Variants in INSC observed in about 807,000 individuals in gnomAD.
INSC encodes protein inscuteable homolog.
Under a neutral mutation model 58.6 loss-of-function variants are expected in INSC, and 67 were observed. The ratio of observed to expected loss-of-function variants is 1.14; its 90% CI spans 0.94 to 1.40. The LOEUF is 1.40. Among genes scored for constraint, INSC ranks in the 40% most tolerant of loss-of-function variants. The pLI, the probability that INSC is intolerant of heterozygous loss-of-function variation, is 0.00. For synonymous variants in INSC, 262 were observed against 276.1 expected (o/e 0.95, Z 0.51); for missense variants, 714 against 692.0 (o/e 1.03, Z -0.36).
chr11:15,173,270 T>C (rs1162569928), intron 2 of INSC, among the ~76,000 whole-genome samples: 2 of 152,186 alleles, frequency 1.3e-5, no homozygotes, highest in African/African-American at 4.8e-5. Flanking sequence ...GATGTGTATA[T>C]ACTATGGTCA....
chr11:15,193,606 T>C (rs1019820934), intron 6 of INSC, among the ~76,000 whole-genome samples: 3 of 152,202 alleles, frequency 2.0e-5, no homozygotes, highest in Non-Finnish European at 4.4e-5. Context: ...TCCATGTCGC[T>C]ACAAAGGACA....
chr11:15,218,562 C>CTCTA (rs1851312556), intron 7 of INSC, among the ~76,000 whole-genome samples: 1 of 150,518 alleles, frequency 6.6e-6, no homozygotes, highest in African/African-American at 2.4e-5. Flanking sequence ...CTCTCTCTCT[C>CTCTA]TATATATATA....
rs532855998 is a variant in INSC, at chr11:15,140,178, G to A, written c.-45-8952G>A. Among the ~76,000 whole-genome samples the A allele has an allele frequency of 1.1e-4, 16 of 152,298 alleles. No individual in the cohort carries two copies. The East Asian group carries it at 2.1e-3, about 20-fold the overall frequency. Reference sequence around the variant, plus strand: ...TGCTGGCACACATGGGCATCAGTGAGGACACCTTGACACTGGGCTCCTCTC... The same window carrying A: ...TGCTGGCACACATGGGCATCAGTGAAGACACCTTGACACTGGGCTCCTCTC... On this transcript the variant is annotated intron_variant, in intron 1 of 12. Coordinates refer to ENST00000379556, the MANE Select transcript of INSC (RefSeq NM_001042536.3).
Position 15,225,787 on chromosome 11 carries a change from A to G in INSC, c.1129A>G (p.Ser377Gly), listed in dbSNP as rs1851613230. The stretch of plus-strand genomic sequence containing the variant: ...CATCCGTGTTCTCCTGGAAGCCTGC[A>G]GTGACAAGCAGAGAGTGGACACGCC... ...NAIRVLLEAC[S>G]DKQRVDTPYT... Residue 377 changes from serine to glycine, a missense_variant, in exon 9 of 13, where the codon AGT (serine) becomes GGT (glycine). Coordinates refer to ENST00000379556, the MANE Select transcript of INSC (RefSeq NM_001042536.3). 3 of 1,613,742 alleles carry G rather than the reference A, an allele frequency of 1.9e-6. No homozygotes were observed.
At chr11:15,148,355 G>A (rs1848546834) in intron 1 of INSC, among the ~76,000 whole-genome samples, 1 of 152,136 alleles carries the variant, frequency 6.6e-6, no homozygotes, top group Non-Finnish European at 1.5e-5. Flanking sequence ...TTTTTTCTTG[G>A]TATGCTAACT....
chr11:15,199,527 G>A (rs986225960), intron 6 of INSC, among the ~76,000 whole-genome samples: 5 of 152,166 alleles, frequency 3.3e-5, no homozygotes, highest in South Asian at 2.1e-4. Context: ...TTGTTTTATC[G>A]TCATTCACTG....
At chr11:15,233,408 T>C (rs1851999095) in intron 9 of INSC, among the ~76,000 whole-genome samples, 1 of 152,160 alleles carries the variant, frequency 6.6e-6, no homozygotes, top group African/African-American at 2.4e-5. Context: ...GGATAAACAG[T>C]GACCTCTTTC....
intron 1 of INSC, among the ~76,000 whole-genome samples, chr11:15,121,747 C>G (rs1266774633): frequency 1.3e-5 from 2 of 152,060 alleles, no homozygotes; most frequent in African/African-American, 4.8e-5. Context: ...AATCTTTTCC[C>G]CACTCCCTCC....
At chr11:15,112,989 A>G (rs1293326566), upstream of INSC, among the ~76,000 whole-genome samples, 2 of 152,166 alleles carry the variant, frequency 1.3e-5, no homozygotes, top group Non-Finnish European at 2.9e-5. Context: ...ACTAGAAAGT[A>G]GTAGAGGCAG....
chr11:15,172,913 G>A (rs1849448663), intron 2 of INSC, among the ~76,000 whole-genome samples: 1 of 152,112 alleles, frequency 6.6e-6, no homozygotes, highest in African/African-American at 2.4e-5. Flanking sequence ...GGTATGGGGG[G>A]CGCAACTGAA....
chr11:15,221,191 G>T (rs1016859430), intron 7 of INSC, among the ~76,000 whole-genome samples: 2 of 151,848 alleles, frequency 1.3e-5, no homozygotes, highest in African/African-American at 2.4e-5. Context: ...GATGACCAGG[G>T]TCCTGACTCT....
intron 2 of INSC, among the ~76,000 whole-genome samples, chr11:15,171,580 C>T (rs1849399421): frequency 6.6e-6 from 1 of 152,202 alleles, no homozygotes; most frequent in South Asian, 2.1e-4. Context: ...ATGACCACCT[C>T]CTCCAGGCAC....
At chr11:15,130,612 T>A (rs949500896) in intron 1 of INSC, among the ~76,000 whole-genome samples, 1 of 152,194 alleles carries the variant, frequency 6.6e-6, no homozygotes, top group Non-Finnish European at 1.5e-5. Flanking sequence ...TCACTTGAAG[T>A]GTGTTTTCTC....
At chr11:15,256,062 T>C in the INSC span, among the ~76,000 whole-genome samples, 1 of 152,174 alleles carries the variant, frequency 6.6e-6, no homozygotes, top group African/African-American at 2.4e-5. Context: ...GTGCAAGCCA[T>C]GATGATCATG....
chr11:15,115,482 G>T lies in INSC; in HGVS notation c.-46+479G>T, dbSNP rs538604635. Reference sequence around the variant, plus strand: ...GGTGACCTGACTTGTCCCAGCTGGGGTGTCTTCTCTGTGGGTCATTCAGCT... The same window carrying T: ...GGTGACCTGACTTGTCCCAGCTGGGTTGTCTTCTCTGTGGGTCATTCAGCT... On this transcript the variant is annotated intron_variant, in intron 1 of 12. Transcript: ENST00000379556. Among the ~76,000 whole-genome samples the T allele has an allele frequency of 3.2e-4, 48 of 152,312 alleles. 1 individual carries two copies. The South Asian group carries it at 7.7e-3, about 24-fold the overall frequency.
rs146165530 is a variant in INSC at position 15,244,281 on chromosome 11, G to A, written c.1471-1631G>A. 1.9e-3 allele frequency among the ~76,000 whole-genome samples: 291 copies of A among 152,196 alleles called. 4 individuals are homozygous for A. Among genetic ancestry groups the A allele is most frequent in the Middle Eastern group, 6.8e-3 (2 of 294 alleles). On this transcript the variant is annotated intron_variant, in intron 12 of 12. Transcript: ENST00000379556. ...CTTGTTAGTCTATGGGGTAAACCAC[G>A]CCCCATGAGAGTCGAGATGTGTGTG...
intron 7 of INSC, among the ~76,000 whole-genome samples, chr11:15,211,584 C>A (rs572174001): frequency 6.6e-6 from 1 of 152,190 alleles, no homozygotes; most frequent in Non-Finnish European, 1.5e-5. Flanking sequence ...GTGCTGCTTG[C>A]GTCCATTTAA....
intron 7 of INSC, among the ~76,000 whole-genome samples, chr11:15,205,717 G>A (rs192071318): frequency 6.0e-4 from 91 of 152,266 alleles, no homozygotes; most frequent in South Asian, 1.9e-3. Context: ...TAACAGACGA[G>A]GAAACTGAGA....
chr11:15,203,008 G>A (rs146223249), intron 7 of INSC, among the ~76,000 whole-genome samples: 3 of 152,234 alleles, frequency 2.0e-5, no homozygotes, highest in Non-Finnish European at 4.4e-5. Context: ...CAGGTGCTGA[G>A]ATAGTCCACT....
Sources: gnomAD v4.1 joint callset for allele counts (sites outside exome capture counted in the v4.1 genomes callset) on GRCh38, gnomAD v4.1.1 for gene constraint, MANE v1.5 for transcripts, NCBI Gene and HGNC (gene_info 2026-07-23, HGNC 2026-07-21) for gene names.